ZEB1: variants seen among roughly 807,000 people sequenced by gnomAD.
ZEB1 encodes the protein zinc finger E-box binding homeobox 1.
A neutral mutation model predicts 84.9 loss-of-function variants in ZEB1; 21 were observed. The ratio of observed to expected loss-of-function variants is 0.25; its 90% CI spans 0.18 to 0.36. The LOEUF (loss-of-function observed/expected upper bound fraction) is 0.36. Among genes scored for constraint, ZEB1 ranks in the 10% least tolerant of loss-of-function variants. ZEB1 has a pLI of 1.00. For synonymous variants in ZEB1, 420 were observed against 471.1 expected, an observed-to-expected ratio of 0.89 and a Z score of 1.41; for missense variants, 1,104 against 1,330.2, an observed-to-expected ratio of 0.83 and a Z score of 2.65.
At chr10:31,443,987 C>T (rs1225124757) in intron 1 of ZEB1, among the ~76,000 whole-genome samples, 2 of 150,084 alleles carry the variant, frequency 1.3e-5, no homozygotes, top group Non-Finnish European at 3.0e-5. Flanking sequence ...GGAATCGCCA[C>T]ACTGTCTTCC....
intron 1 of ZEB1, among the ~76,000 whole-genome samples, chr10:31,411,617 C>A (rs1224474920): frequency 9.0e-4 from 113 of 125,734 alleles, no homozygotes; most frequent in South Asian, 2.6e-3. Context: ...CCGGCCTGGG[C>A]GACAGAGCGA....
chr10:31,408,030 A>G (rs1182886754), intron 1 of ZEB1, among the ~76,000 whole-genome samples: 1 of 151,338 alleles, frequency 6.6e-6, no homozygotes, highest in Non-Finnish European at 1.5e-5. Flanking sequence ...TAAGCTGATA[A>G]GCAACTTCAG....
At chr10:31,371,805 T>A (rs1316670115) in intron 1 of ZEB1, among the ~76,000 whole-genome samples, 2 of 152,212 alleles carry the variant, frequency 1.3e-5, no homozygotes. Context: ...ATGCTATTTC[T>A]AGTATATCTA....
intron 7 of ZEB1, among the ~76,000 whole-genome samples, chr10:31,523,407 A>C (rs1470769400): frequency 6.6e-6 from 1 of 152,136 alleles, no homozygotes. Flanking sequence ...TTTCAAGGAG[A>C]CCGTGGAGGT....
chr10:31,363,343 C>T (rs1387956226), intron 1 of ZEB1: 8 of 1,534,040 alleles, frequency 5.2e-6, no homozygotes, highest in Non-Finnish European at 8.7e-7. Flanking sequence ...GACTCCATGG[C>T]CCTTGGAGTA....
chr10:31,508,774 A>G (rs918478566), intron 4 of ZEB1, among the ~76,000 whole-genome samples: 1 of 152,058 alleles, frequency 6.6e-6, no homozygotes, highest in African/African-American at 2.4e-5. Flanking sequence ...GGGGAGGGCA[A>G]GGTTGCTCTT....
intron 2 of ZEB1, among the ~76,000 whole-genome samples, chr10:31,464,011 A>T (rs1317897497): frequency 6.6e-6 from 1 of 152,232 alleles, no homozygotes; most frequent in African/African-American, 2.4e-5. Context: ...TCAGATGGTT[A>T]TCTGCTATGA....
At chr10:31,383,858 G>T (rs1352271300) in intron 1 of ZEB1, among the ~76,000 whole-genome samples, 2 of 150,136 alleles carry the variant, frequency 1.3e-5, no homozygotes, top group Admixed American at 1.3e-4. Context: ...TAGTTTATTT[G>T]TCAGTAGTTT....
intron 1 of ZEB1, among the ~76,000 whole-genome samples, chr10:31,452,721 G>GTC (rs2060716119): frequency 8.5e-6 from 1 of 117,690 alleles, no homozygotes; most frequent in Non-Finnish European, 1.6e-5. Context: ...GTGTGTGTGT[G>GTC]TGTGTGTGTG....
At chr10:31,362,514 C>T (rs993935253) in intron 1 of ZEB1, among the ~76,000 whole-genome samples, 6 of 150,960 alleles carry the variant, frequency 4.0e-5, no homozygotes, top group African/African-American at 1.5e-4. Flanking sequence ...CTCCTCACTG[C>T]CCAGACGGGG....
At chr10:31,514,487 A>G in intron 5 of ZEB1, 116 bp from the exon 6 acceptor site, 1 of 908,658 alleles carries the variant, frequency 1.1e-6, no homozygotes, top group Non-Finnish European at 1.7e-6. Flanking sequence ...GAGGTCTTTA[A>G]GAAACAAAAC....
At chr10:31,427,841 T>A (rs202155293) in intron 1 of ZEB1, among the ~76,000 whole-genome samples, 6 of 149,358 alleles carry the variant, frequency 4.0e-5, no homozygotes, top group East Asian at 3.9e-4. Context: ...CCTGGGCAAC[T>A]GAGCAAGACT....
At chr10:31,421,810 A>G (rs1046420990) in intron 1 of ZEB1, among the ~76,000 whole-genome samples, 2 of 152,094 alleles carry the variant, frequency 1.3e-5, no homozygotes, top group Admixed American at 6.6e-5. Context: ...TACTAGTGAG[A>G]TCCTTGGGGA....
chr10:31,328,720 A>T (rs907377297), intron 1 of ZEB1, among the ~76,000 whole-genome samples: 2 of 152,160 alleles, frequency 1.3e-5, no homozygotes, highest in Non-Finnish European at 2.9e-5. Context: ...AAGGGCCATT[A>T]TATGAGAGAG....
intron 1 of ZEB1, among the ~76,000 whole-genome samples, chr10:31,448,885 C>T (rs1037238798): frequency 1.3e-5 from 2 of 152,216 alleles, no homozygotes; most frequent in Admixed American, 1.3e-4. Context: ...TGCCCTGTCC[C>T]CAGAGGTGGA....
chr10:31,363,911 G>A (rs1343090911), intron 1 of ZEB1: 35 of 1,311,382 alleles, frequency 2.7e-5, no homozygotes, highest in Admixed American at 2.1e-4. Context: ...ACAATTCCCC[G>A]GGCAGGCACA....
At chr10:31,426,204 G>A (rs2056906639) in intron 1 of ZEB1, among the ~76,000 whole-genome samples, 1 of 152,138 alleles carries the variant, frequency 6.6e-6, no homozygotes, top group Admixed American at 6.5e-5. Flanking sequence ...AATTGCAAGG[G>A]AATTGTAAGA....
chr10:31,376,587 A>G (rs746105703), intron 1 of ZEB1, among the ~76,000 whole-genome samples: 12 of 151,736 alleles, frequency 7.9e-5, no homozygotes, highest in African/African-American at 1.4e-4. Context: ...ATAGTTAAGA[A>G]GTTGGGCTCC....
intron 3 of ZEB1, among the ~76,000 whole-genome samples, chr10:31,501,155 C>A (rs902208556): frequency 3.2e-4 from 48 of 152,160 alleles, no homozygotes; most frequent in African/African-American, 1.1e-3. Context: ...TGCTGTTTTA[C>A]AAATTTAGAC....
Sources: allele counts gnomAD v4.1 joint callset (sites outside exome capture counted in the v4.1 genomes callset), GRCh38; gene constraint gnomAD v4.1.1; transcripts MANE v1.5; gene names NCBI Gene and HGNC (gene_info 2026-07-23, HGNC 2026-07-21).